IQSEC1: variants seen among roughly 807,000 people sequenced by gnomAD.
IQSEC1 encodes the protein IQ motif and Sec7 domain ArfGEF 1.
IQSEC1 carries 31 observed loss-of-function variants against 91.0 expected under a neutral mutation model. That is an observed-to-expected ratio of 0.34 (90% CI 0.26 to 0.46). The LOEUF (loss-of-function observed/expected upper bound fraction) is 0.46. IQSEC1 is among the 20% of genes least tolerant of loss of function. The probability of loss-of-function intolerance (pLI) is 1.00; values close to 1 mark genes in which losing one functional copy is unlikely to be tolerated. For synonymous variants in IQSEC1, 699 were observed against 662.6 expected (o/e 1.05, Z -0.84); for missense variants, 1,388 against 1,575.6 (o/e 0.88, Z 2.02).
Position 13,181,428 on chromosome 3 carries a change from C to T in IQSEC1, c.273-17295G>A, listed in dbSNP as rs1693843377. Among the ~76,000 whole-genome samples the T allele has an allele frequency of 2.0e-5, 3 of 152,216 alleles. No homozygotes were observed. The South Asian group carries it at 6.2e-4, about 31-fold the overall frequency. ...GCAAAAATATAAAATACCTAAACAACACTGCCAACCAACATGACCTACAGA... is the reference window on the plus strand; with the variant it reads ...GCAAAAATATAAAATACCTAAACAATACTGCCAACCAACATGACCTACAGA... On this transcript the variant is annotated intron_variant, in intron 1 of 15. Coordinates refer to the IQSEC1 transcript ENST00000648114.
intron 1 of IQSEC1, among the ~76,000 whole-genome samples, chr3:13,032,461 C>T (rs1703879027): frequency 6.6e-6 from 1 of 152,268 alleles, no homozygotes; most frequent in Admixed American, 6.5e-5. Context: ...AGCCCAGGGC[C>T]AGCAACTGCA....
At position 12,967,808 on chromosome 3, in the gene IQSEC1, C is replaced by A. The variant is rs1173711038; in HGVS notation, c.24-25943G>T. The stretch of plus-strand genomic sequence containing the variant: ...AGGGCGAGCTGGGGGCGGGGCTGCG[C>A]GCGGGGGCGAGACTGCACGGAGCGT... On this transcript the variant is annotated intron_variant, in intron 1 of 13. Coordinates refer to ENST00000613206, the MANE Select transcript of IQSEC1 (RefSeq NM_001134382.3). This position sits in a 1 kb window ranked among gnomAD's most constrained non-coding sequence, Gnocchi z 5.9. The A allele has an allele frequency of 1.2e-5, 6 of 507,472 alleles. No individual in the cohort carries two copies. The highest frequency in any genetic ancestry group is 1.1e-4 in the African/African-American group (5 of 44,682). 31.4% of individuals were successfully genotyped at this position (507,472 alleles called of 1,614,324 possible). A position where few individuals can be genotyped will look rare whatever the true frequency, so the allele number is the denominator to read the frequency against.
chr3:13,129,880 G>A (rs920420569), intron 2 of IQSEC1, among the ~76,000 whole-genome samples: 34 of 151,572 alleles, frequency 2.2e-4, no homozygotes, highest in East Asian at 1.9e-4. Flanking sequence ...GGATGGTCTC[G>A]ATCTCCTGAC....
chr3:12,999,422 T>G (rs1365423208), intron 1 of IQSEC1, among the ~76,000 whole-genome samples: 1 of 152,158 alleles, frequency 6.6e-6, no homozygotes, highest in African/African-American at 2.4e-5. Context: ...CATTCTCCCA[T>G]TCCCAGTGCC....
chr3:13,093,714 G>C (rs1231124528), intron 2 of IQSEC1, among the ~76,000 whole-genome samples: 1 of 152,182 alleles, frequency 6.6e-6, no homozygotes, highest in Non-Finnish European at 1.5e-5. Context: ...CCCGAGCACT[G>C]ATGACGACTG....
intron 1 of IQSEC1, among the ~76,000 whole-genome samples, chr3:13,202,230 T>C (rs1694257546): frequency 6.6e-6 from 1 of 152,350 alleles, no homozygotes; most frequent in African/African-American, 2.4e-5. Flanking sequence ...GCCACTGTTA[T>C]AAAACCAGTA....
chr3:13,085,731 C>T lies in IQSEC1; in HGVS notation c.303-38209G>A, dbSNP rs1174974883. 5.4e-4 allele frequency among the ~76,000 whole-genome samples: 82 copies of T among 152,370 alleles called. 1 individual carries two copies. Among genetic ancestry groups the T allele is most frequent in the Admixed American group, 5.2e-3 (80 of 15,312 alleles). The stretch of plus-strand genomic sequence containing the variant: ...GCCCACGTGCTGTTACCCCATTTCA[C>T]AGACGGACAGGAGGCCCGAGGCCAC... On this transcript the variant is annotated intron_variant, in intron 2 of 15. Transcript: ENST00000648114.
intron 13 of IQSEC1, 61 bp from the exon 14 acceptor site, chr3:12,901,583 AT>A (rs375066530): frequency 6.1e-3 from 7,126 of 1,174,758 alleles, no homozygotes; most frequent in Non-Finnish European, 6.6e-3. Flanking sequence ...GGTCAGAATG[AT>A]TTTTTTTTTT....
intron 1 of IQSEC1, among the ~76,000 whole-genome samples, chr3:13,267,908 C>T (rs1261939164): frequency 2.0e-5 from 3 of 152,128 alleles, no homozygotes; most frequent in South Asian, 2.1e-4. Flanking sequence ...TGAACCACCG[C>T]GCCTGGCCAG....
chr3:13,040,637 G>A (rs573554526), intron 1 of IQSEC1, among the ~76,000 whole-genome samples: 1 of 152,268 alleles, frequency 6.6e-6, no homozygotes, highest in African/African-American at 2.4e-5. Context: ...CCCAGGCTCC[G>A]GTCCTGAGCC....
intron 1 of IQSEC1, among the ~76,000 whole-genome samples, chr3:12,951,951 G>A (rs1241830737): frequency 2.6e-5 from 4 of 152,154 alleles, no homozygotes; most frequent in Admixed American, 1.3e-4. Flanking sequence ...TGGTGGAGAT[G>A]GAGCCCTCAC....
chr3:12,941,506 G>C, intron 2 of IQSEC1, 65 bp downstream of exon 2: 1 of 1,409,432 alleles, frequency 7.1e-7, no homozygotes. Flanking sequence ...CCTGGTGGGG[G>C]CACACATGGT....
At position 12,897,964 on chromosome 3, in the gene IQSEC1, G is replaced by C. The variant is rs1300207925; in HGVS notation, c.*3019C>G. The C allele has an allele frequency of 6.6e-6, 1 of 152,254 alleles. No homozygotes were observed. Among genetic ancestry groups the C allele is most frequent in the East Asian group, 1.9e-4 (1 of 5,206 alleles). The allele number at this position is 152,254 out of a possible 1,614,324, so 9.4% of individuals were successfully genotyped here. On this transcript the variant is annotated 3_prime_UTR_variant, in exon 14 of 14. Coordinates refer to ENST00000613206, the MANE Select transcript of IQSEC1 (RefSeq NM_001134382.3). Reference sequence around the variant, plus strand: ...AATACAAATACATGATTTGATTGTTGTCCCAGAAAAGACTTTTGTCACATT... The same window carrying C: ...AATACAAATACATGATTTGATTGTTCTCCCAGAAAAGACTTTTGTCACATT...
chr3:13,199,808 G>A (rs1223939341), intron 1 of IQSEC1, among the ~76,000 whole-genome samples: 1 of 144,792 alleles, frequency 6.9e-6, no homozygotes, highest in African/African-American at 2.6e-5. Flanking sequence ...CAGGACCCCT[G>A]CAAGCAGCTG....
At position 13,009,807 on chromosome 3, in the gene IQSEC1, T is replaced by C. The variant is rs112919160; in HGVS notation, c.23+63185A>G. ...TTTAGCACACCACAGCTCTATGTCT[T>C]AGGATCCCTCCTCTCTGCCAGTGTG... On this transcript the variant is annotated intron_variant, in intron 1 of 13. Coordinates refer to ENST00000613206, the MANE Select transcript of IQSEC1 (RefSeq NM_001134382.3). 2.9e-3 allele frequency among the ~76,000 whole-genome samples: 448 copies of C among 152,228 alleles called. 4 individuals carry two copies. Among genetic ancestry groups the C allele is most frequent in the African/African-American group, 8.9e-3 (368 of 41,526 alleles).
chr3:13,276,245 C>T (rs1009624362), intron 1 of IQSEC1, among the ~76,000 whole-genome samples: 2 of 151,794 alleles, frequency 1.3e-5, no homozygotes, highest in African/African-American at 2.4e-5. Context: ...CCTGCCACTG[C>T]GCCAGGCTAA....
At chr3:13,150,916 A>G (rs1706986978) in intron 2 of IQSEC1, among the ~76,000 whole-genome samples, 1 of 152,190 alleles carries the variant, frequency 6.6e-6, no homozygotes, top group South Asian at 2.1e-4. Context: ...GTGAAAGCAG[A>G]TGGTCCAGGG....
Position 12,924,005 on chromosome 3 carries a change from A to G in IQSEC1, c.1730+576T>C, listed in dbSNP as rs548899150. Among the ~76,000 whole-genome samples, 6 of 152,324 alleles carry G rather than the reference A, an allele frequency of 3.9e-5. No individual in the cohort carries two copies. Among genetic ancestry groups the G allele is most frequent in the Admixed American group, 3.9e-4 (6 of 15,310 alleles). On this transcript the variant is annotated intron_variant, in intron 4 of 13. Transcript: ENST00000613206. The surrounding 1 kb of genome is among the most constrained non-coding windows in gnomAD (Gnocchi z 6.3). ...AGCTGTGGAATCAGGAGGTGGGGGCAGGACGCACAGCCCCAATATCCCAGC... is the reference window on the plus strand; with the variant it reads ...AGCTGTGGAATCAGGAGGTGGGGGCGGGACGCACAGCCCCAATATCCCAGC...
intron 1 of IQSEC1, among the ~76,000 whole-genome samples, chr3:13,180,255 A>AACCAATTG (rs1170875728): frequency 1.3e-5 from 2 of 152,234 alleles, no homozygotes; most frequent in African/African-American, 4.8e-5. Context: ...CTCTGTATCT[A>AACCAATTG]GCTCAAGGTT....
Sources: allele counts gnomAD v4.1 joint callset (sites outside exome capture counted in the v4.1 genomes callset), GRCh38; gene constraint gnomAD v4.1.1; non-coding constraint Gnocchi (gnomAD v3.1); transcripts MANE v1.5; gene names NCBI Gene and HGNC (gene_info 2026-07-23, HGNC 2026-07-21).